Variants in CCDC192 observed in about 807,000 individuals in gnomAD.
The protein encoded by CCDC192 is coiled-coil domain-containing protein 192.
At chr5:127,842,981 A>G (rs1320298869) in intron 5 of CCDC192, among the ~76,000 whole-genome samples, 1 of 151,138 alleles carries the variant, frequency 6.6e-6, no homozygotes, top group Non-Finnish European at 1.5e-5. Flanking sequence ...GTGATAGTGT[A>G]CACTTTCTGC....
intron 2 of CCDC192, among the ~76,000 whole-genome samples, chr5:127,713,169 G>T (rs1233022592): frequency 1.3e-5 from 2 of 151,962 alleles, no homozygotes; most frequent in Non-Finnish European, 2.9e-5. Context: ...AGGAGGCAGA[G>T]GTTGCAGTGA....
At chr5:127,715,112 G>A (rs1218522577) in intron 2 of CCDC192, among the ~76,000 whole-genome samples, 3 of 152,070 alleles carry the variant, frequency 2.0e-5, no homozygotes, top group Admixed American at 2.0e-4. Context: ...TTGCAATACA[G>A]AAGCTTTTCA....
intron 6 of CCDC192, among the ~76,000 whole-genome samples, chr5:127,904,223 A>G (rs936862184): frequency 2.0e-5 from 3 of 152,232 alleles, no homozygotes; most frequent in South Asian, 4.1e-4. Flanking sequence ...AACAGATTCT[A>G]TCCTAAAGCT....
At chr5:127,811,810 G>A (rs1051063495) in intron 5 of CCDC192, among the ~76,000 whole-genome samples, 1 of 152,102 alleles carries the variant, frequency 6.6e-6, no homozygotes, top group Admixed American at 6.6e-5. Context: ...GGTCTGAGAA[G>A]AAAAGGGAGA....
chr5:127,923,797 C>T (rs1580832073), intron 6 of CCDC192, among the ~76,000 whole-genome samples: 2 of 152,214 alleles, frequency 1.3e-5, no homozygotes, highest in Admixed American at 1.3e-4. Context: ...GCAAGCATCA[C>T]GGAAGCTTTC....
rs767782305 is a variant in CCDC192, at chr5:127,831,370, A to C, written c.411+33208A>C. 2.5e-4 allele frequency among the ~76,000 whole-genome samples: 38 copies of C among 151,846 alleles called. 1 individual carries two copies. The Middle Eastern group carries it at 0.01, about 41-fold the overall frequency. ...CAAAAGTGTGTGTGTGTGCGTGTGT[A>C]TATGTGTGCGTGTGTGTGTGTGCAT... On this transcript the variant is annotated intron_variant, in intron 5 of 6. Coordinates refer to ENST00000514853, the MANE Select transcript of CCDC192 (RefSeq NM_001317938.2).
intron 6 of CCDC192, among the ~76,000 whole-genome samples, chr5:127,887,361 A>G (rs1410324569): frequency 1.3e-5 from 2 of 150,842 alleles, no homozygotes; most frequent in African/African-American, 2.4e-5. Context: ...CCCCAAATGT[A>G]TAAGGCAATA....
intron 6 of CCDC192, among the ~76,000 whole-genome samples, chr5:127,925,568 G>A (rs1415638538): frequency 6.6e-6 from 1 of 152,072 alleles, no homozygotes; most frequent in East Asian, 1.9e-4. Flanking sequence ...TAAACTAAAA[G>A]CAAGTAGCAC....
chr5:127,816,942 A>G (rs711360), intron 5 of CCDC192, among the ~76,000 whole-genome samples: 50,998 of 152,148 alleles, frequency 0.34, 9,462 homozygotes, highest in South Asian at 0.48. Flanking sequence ...GTTCTTAATG[A>G]TTGACTTATT....
chr5:127,719,536 T>C (rs1182058486), intron 2 of CCDC192, among the ~76,000 whole-genome samples: 1,251 of 29,548 alleles, frequency 0.042, 61 homozygotes, highest in East Asian at 0.18. Context: ...CACACATACA[T>C]ATATATATAT....
At chr5:127,812,288 T>C (rs1389349900) in intron 5 of CCDC192, among the ~76,000 whole-genome samples, 1 of 152,232 alleles carries the variant, frequency 6.6e-6, no homozygotes, top group Non-Finnish European at 1.5e-5. Flanking sequence ...CCACATTCTT[T>C]GTGAGAGAAT....
chr5:127,770,707 T>C (rs1344733753), intron 3 of CCDC192, among the ~76,000 whole-genome samples: 1 of 152,228 alleles, frequency 6.6e-6, no homozygotes, highest in African/African-American at 2.4e-5. Flanking sequence ...GAGATCTGAA[T>C]GTAGAGCTAA....
intron 2 of CCDC192, among the ~76,000 whole-genome samples, chr5:127,738,534 T>G (rs1218687557): frequency 9.7e-5 from 14 of 144,102 alleles, no homozygotes; most frequent in African/African-American, 3.7e-4. Flanking sequence ...GTTTTCCAAC[T>G]TGGTTCCATT....
At chr5:127,863,855 A>G (rs1223898680) in intron 5 of CCDC192, among the ~76,000 whole-genome samples, 1 of 152,230 alleles carries the variant, frequency 6.6e-6, no homozygotes, top group Non-Finnish European at 1.5e-5. Context: ...TTCAACTTTG[A>G]CGCATAAAAA....
intron 3 of CCDC192, among the ~76,000 whole-genome samples, chr5:127,780,520 A>T (rs1007851384): frequency 2.0e-5 from 3 of 152,150 alleles, no homozygotes; most frequent in African/African-American, 7.2e-5. Context: ...CAATTCTTGC[A>T]GGAGTAGGAT....
intron 3 of CCDC192, among the ~76,000 whole-genome samples, chr5:127,777,015 C>G (rs1755904327): frequency 1.3e-5 from 2 of 152,222 alleles, no homozygotes; most frequent in African/African-American, 4.8e-5. Context: ...AGCCCCCACA[C>G]AGAGTCTTCA....
intron 5 of CCDC192, among the ~76,000 whole-genome samples, chr5:127,866,675 C>T (rs188592112): frequency 9.3e-4 from 141 of 151,918 alleles, no homozygotes; most frequent in Non-Finnish European, 1.8e-3. Context: ...TACCATGCAA[C>T]TCAGCAATTT....
chr5:127,719,047 C>G (rs574967332), intron 2 of CCDC192, among the ~76,000 whole-genome samples: 17 of 152,246 alleles, frequency 1.1e-4, no homozygotes, highest in Non-Finnish European at 2.2e-4. Context: ...CACTTCCCCA[C>G]ACAGACCCCT....
intron 3 of CCDC192, among the ~76,000 whole-genome samples, chr5:127,764,000 G>A (rs1433112553): frequency 2.0e-5 from 3 of 152,076 alleles, no homozygotes; most frequent in Non-Finnish European, 2.9e-5. Context: ...ACCTCCCGCC[G>A]ATAATAATTG....
Sources: allele counts gnomAD v4.1 joint callset (sites outside exome capture counted in the v4.1 genomes callset), GRCh38; gene constraint gnomAD v4.1.1; transcripts MANE v1.5; gene names NCBI Gene and HGNC (gene_info 2026-07-23, HGNC 2026-07-21).